MBOAT2: variants seen among roughly 807,000 people sequenced by gnomAD.
MBOAT2 encodes membrane-bound glycerophospholipid O-acyltransferase 2.
MBOAT2 carries 28 observed loss-of-function variants against 63.4 expected under a neutral mutation model. That is an observed-to-expected ratio of 0.44 (90% confidence interval 0.33 to 0.61). The LOEUF is 0.61. Ranked by LOEUF, MBOAT2 falls within the 20% of genes least tolerant of loss-of-function variation. The probability of loss-of-function intolerance (pLI) is 0.03; values close to 1 mark genes in which losing one functional copy is unlikely to be tolerated. For synonymous variants in MBOAT2, 211 were observed against 215.6 expected (o/e 0.98, Z 0.19); for missense variants, 470 against 605.8 (o/e 0.78, Z 2.35).
At chr2:8,938,738 CTCATGCCGCCACATT>C (rs1297052921) in intron 3 of MBOAT2, among the ~76,000 whole-genome samples, 2 of 144,004 alleles carry the variant, frequency 1.4e-5, no homozygotes, top group Non-Finnish European at 3.0e-5. Flanking sequence ...CCACCGTTGT[CTCATGCCGCCACATT>C]TCATGCCGTG....
Position 8,868,497 on chromosome 2 carries a change from AT to A in MBOAT2, c.935del (p.Asn312MetfsTer8). Reference sequence around the variant, plus strand: ...AAATTAAGTCCCAGCGAGCTGCTCCATTTTCGTCATACCCTCTGAAACCAAA... The same window carrying A: ...AAATTAAGTCCCAGCGAGCTGCTCCATTTCGTCATACCCTCTGAAACCAAA... Reference protein sequence around the residue: ...AGFGFRGYDENGAARWDLISN... With the variant: ...AGFGFRGYDEXGAARWDLISN... On this transcript the variant is annotated frameshift_variant, in exon 9 of 13. Transcript: ENST00000305997. LOFTEE classifies it high-confidence loss of function. 1 of 1,614,086 alleles carries A rather than the reference AT, an allele frequency of 6.2e-7. No individual in the cohort carries two copies. Among genetic ancestry groups the A allele is most frequent in the Non-Finnish European group, 8.5e-7 (1 of 1,179,990 alleles).
At chr2:8,914,597 G>A (rs1666018511) in intron 3 of MBOAT2, among the ~76,000 whole-genome samples, 1 of 151,702 alleles carries the variant, frequency 6.6e-6, no homozygotes, top group Admixed American at 6.6e-5. Flanking sequence ...TGCACTAAAA[G>A]TCTGTTAAAT....
At chr2:8,940,348 G>A (rs1667965991) in intron 3 of MBOAT2, among the ~76,000 whole-genome samples, 1 of 152,080 alleles carries the variant, frequency 6.6e-6, no homozygotes, top group Non-Finnish European at 1.5e-5. Flanking sequence ...CTGGAGTGCA[G>A]TGGTGCGATC....
At chr2:8,935,348 T>C (rs547402973) in intron 3 of MBOAT2, among the ~76,000 whole-genome samples, 5 of 152,176 alleles carry the variant, frequency 3.3e-5, no homozygotes, top group African/African-American at 9.7e-5. Context: ...TAGAACAGAA[T>C]ACAACAGATA....
At chr2:8,926,192 G>C (rs1666920259) in intron 3 of MBOAT2, among the ~76,000 whole-genome samples, 1 of 152,106 alleles carries the variant, frequency 6.6e-6, no homozygotes, top group Non-Finnish European at 1.5e-5. Context: ...ACAGTGGTGT[G>C]ATCATGGCTC....
intron 12 of MBOAT2, among the ~76,000 whole-genome samples, chr2:8,859,636 C>G (rs1661350142): frequency 6.6e-6 from 1 of 152,050 alleles, no homozygotes; most frequent in South Asian, 2.1e-4. Context: ...ATATTTGATT[C>G]AATAATTTTT....
chr2:8,872,718 T>C (rs1445278536), intron 8 of MBOAT2, among the ~76,000 whole-genome samples: 4 of 152,244 alleles, frequency 2.6e-5, no homozygotes, highest in Non-Finnish European at 5.9e-5. Flanking sequence ...GATCATATTA[T>C]ACTATGGCTA....
intron 1 of MBOAT2, among the ~76,000 whole-genome samples, chr2:8,998,636 A>C (rs1672475111): frequency 6.6e-6 from 1 of 151,826 alleles, no homozygotes. Flanking sequence ...GAATATATAG[A>C]AAAGATCAGT....
At chr2:8,893,327 C>T (rs79751620) in intron 4 of MBOAT2, among the ~76,000 whole-genome samples, 328 of 152,280 alleles carry the variant, frequency 2.2e-3, no homozygotes, top group Admixed American at 0.014. Context: ...GCTTCAGGCA[C>T]GCTTGGCACA....
chr2:8,951,628 G>T (rs1668842716), intron 2 of MBOAT2, among the ~76,000 whole-genome samples: 1 of 152,138 alleles, frequency 6.6e-6, no homozygotes. Flanking sequence ...GGTCTGTTTG[G>T]TGTTTCAATT....
At chr2:8,973,751 G>T (rs774810682) in intron 1 of MBOAT2, among the ~76,000 whole-genome samples, 1 of 151,918 alleles carries the variant, frequency 6.6e-6, no homozygotes, top group African/African-American at 2.4e-5. Flanking sequence ...TACAAGAAAC[G>T]GAAATTAAAA....
intron 6 of MBOAT2, among the ~76,000 whole-genome samples, chr2:8,877,418 T>C (rs1320198194): frequency 2.0e-5 from 3 of 152,252 alleles, no homozygotes; most frequent in Non-Finnish European, 4.4e-5. Flanking sequence ...CAGATCCTTA[T>C]GAGCAAATAT....
intron 2 of MBOAT2, among the ~76,000 whole-genome samples, chr2:8,952,364 C>T (rs188914211): frequency 2.5e-4 from 38 of 152,280 alleles, no homozygotes; most frequent in African/African-American, 8.4e-4. Context: ...GAAGTACATT[C>T]CATGTGCAGA....
At chr2:8,948,029 C>A (rs750144920) in intron 2 of MBOAT2, among the ~76,000 whole-genome samples, 6 of 152,140 alleles carry the variant, frequency 3.9e-5, no homozygotes, top group Non-Finnish European at 7.3e-5. Context: ...CTAAATACAT[C>A]TGTGATTCAT....
intron 9 of MBOAT2, among the ~76,000 whole-genome samples, chr2:8,864,747 G>A (rs1178721532): frequency 2.0e-5 from 3 of 152,152 alleles, no homozygotes; most frequent in Non-Finnish European, 4.4e-5. Context: ...AGGTCTCACA[G>A]GGCATCCCAC....
chr2:8,974,355 T>G (rs1419150161), intron 1 of MBOAT2: 2 of 456,316 alleles, frequency 4.4e-6, no homozygotes, highest in African/African-American at 4.0e-5. Context: ...ACAAAGATAC[T>G]TGCTTTTCGC....
intron 7 of MBOAT2, among the ~76,000 whole-genome samples, chr2:8,876,053 C>T (rs2148528910): frequency 6.6e-6 from 1 of 152,274 alleles, no homozygotes; most frequent in Non-Finnish European, 1.5e-5. Flanking sequence ...CACACCAGCC[C>T]CTTTCCTTCA....
At chr2:8,924,061 A>G (rs13415968) in intron 3 of MBOAT2, among the ~76,000 whole-genome samples, 16,709 of 152,216 alleles carry the variant, frequency 0.11, 1,125 homozygotes, top group African/African-American at 0.19. Context: ...ACCCTCACTA[A>G]GAAGAGTAAA....
intron 3 of MBOAT2, among the ~76,000 whole-genome samples, chr2:8,931,535 G>A (rs1016602543): frequency 2.0e-5 from 3 of 152,088 alleles, no homozygotes; most frequent in South Asian, 2.1e-4. Context: ...CATTCTGTAG[G>A]TGGACTGTTC....
Sources: gnomAD v4.1 joint callset for allele counts (sites outside exome capture counted in the v4.1 genomes callset) on GRCh38, gnomAD v4.1.1 for gene constraint, MANE v1.5 for transcripts, NCBI Gene and HGNC (gene_info 2026-07-23, HGNC 2026-07-21) for gene names.